Variants in DYNC2H1 observed in about 807,000 individuals in gnomAD.
DYNC2H1 encodes cytoplasmic dynein 2 heavy chain 1.
DYNC2H1 carries 410 observed loss-of-function variants against 570.0 expected under a neutral mutation model. That is an observed-to-expected ratio of 0.72 (90% CI 0.66 to 0.78). The LOEUF is 0.78. Among genes scored for constraint, DYNC2H1 ranks in the 30% least tolerant of loss-of-function variants. The pLI, the probability that DYNC2H1 is intolerant of heterozygous loss-of-function variation, is 0.00. For synonymous variants in DYNC2H1, 1,688 were observed against 1,677.6 expected (o/e 1.01, Z -0.15); for missense variants, 4,865 against 5,046.4 (o/e 0.96, Z 1.09).
chr11:103,233,393 AT>A (rs1864088067), intron 60 of DYNC2H1, among the ~76,000 whole-genome samples: 1 of 151,866 alleles, frequency 6.6e-6, no homozygotes, highest in Admixed American at 6.6e-5. Context: ...TTACTATTAC[AT>A]TTAATAAAAT....
At chr11:103,362,602 C>G (rs961863422) in intron 83 of DYNC2H1, among the ~76,000 whole-genome samples, 3 of 152,046 alleles carry the variant, frequency 2.0e-5, no homozygotes, top group Non-Finnish European at 2.9e-5. Context: ...CATTTCAAAC[C>G]AATTCAATTA....
chr11:103,124,250 C>A (rs1243524327), intron 11 of DYNC2H1, among the ~76,000 whole-genome samples: 1 of 151,604 alleles, frequency 6.6e-6, no homozygotes, highest in African/African-American at 2.4e-5. Context: ...AGTTTGAGAC[C>A]AGCCTGAGCA....
At position 103,170,009 on chromosome 11, in the gene DYNC2H1, T is replaced by C. The variant is rs1861503896; in HGVS notation, c.4969-99T>C. 28 of 1,164,150 alleles carry C rather than the reference T, an allele frequency of 2.4e-5. No individual in the cohort carries two copies. Among genetic ancestry groups the C allele is most frequent in the Non-Finnish European group, 3.0e-5 (26 of 869,594 alleles). The allele number at this position is 1,164,150 out of a possible 1,614,324, so 72.1% of individuals were successfully genotyped here. On this transcript the variant is annotated intron_variant, in intron 32 of 88. Transcript: ENST00000375735. This position sits in a 1 kb window ranked among gnomAD's most constrained non-coding sequence, Gnocchi z 4.8. The stretch of plus-strand genomic sequence containing the variant: ...TGTGTTAAAAACTTTAACCTGTTTG[T>C]TGCATTTTTATCTTTTTAACTACAA...
At chr11:103,339,304 AC>A (rs1939319936) in intron 82 of DYNC2H1, among the ~76,000 whole-genome samples, 2 of 152,080 alleles carry the variant, frequency 1.3e-5, no homozygotes, top group African/African-American at 2.4e-5. Context: ...TGCAGCTTCC[AC>A]CGGGGGTCAC....
At chr11:103,423,495 A>T (rs1943562575) in intron 84 of DYNC2H1, among the ~76,000 whole-genome samples, 1 of 151,618 alleles carries the variant, frequency 6.6e-6, no homozygotes, top group Admixed American at 6.6e-5. Flanking sequence ...AATCATAAAC[A>T]TTAATAAAAC....
At chr11:103,336,716 G>A (rs1487627292) in intron 82 of DYNC2H1, among the ~76,000 whole-genome samples, 1 of 152,062 alleles carries the variant, frequency 6.6e-6, no homozygotes, top group Non-Finnish European at 1.5e-5. Flanking sequence ...CTGTTGATGG[G>A]CACTTAGGTC....
chr11:103,203,778 T>G lies in DYNC2H1; in HGVS notation c.8311+2T>G. The G allele has an allele frequency of 6.4e-7, 1 of 1,571,468 alleles. No individual in the cohort carries two copies. The highest frequency in any genetic ancestry group is 8.7e-7 in the Non-Finnish European group (1 of 1,149,354). Reference sequence around the variant, plus strand: ...CAGTCTTCAATTACTTCACATATAGTAAGTGACATAGAATTCATTAATCAA... The same window carrying G: ...CAGTCTTCAATTACTTCACATATAGGAAGTGACATAGAATTCATTAATCAA... On this transcript the variant is annotated splice_donor_variant, in intron 51 of 88. Coordinates refer to ENST00000375735, the MANE Select transcript of DYNC2H1 (RefSeq NM_001377.3). LOFTEE classifies it high-confidence loss of function. The surrounding 1 kb of genome is among the most constrained non-coding windows in gnomAD (Gnocchi z 4.7).
chr11:103,415,942 C>T (rs1176390888), intron 84 of DYNC2H1, among the ~76,000 whole-genome samples: 1 of 152,150 alleles, frequency 6.6e-6, no homozygotes, highest in African/African-American at 2.4e-5. Context: ...AAATGTGGCA[C>T]ATATACACCA....
At chr11:103,164,302 C>A (rs1035420414) in intron 30 of DYNC2H1, among the ~76,000 whole-genome samples, 4 of 152,154 alleles carry the variant, frequency 2.6e-5, no homozygotes, top group African/African-American at 9.7e-5. Context: ...CTGCAACTTA[C>A]CTCCAGGCCC....
chr11:103,429,702 TTTA>T (rs753726115), intron 84 of DYNC2H1, among the ~76,000 whole-genome samples: 1 of 152,220 alleles, frequency 6.6e-6, no homozygotes, highest in Non-Finnish European at 1.5e-5. Flanking sequence ...TGAAATAGGT[TTTA>T]GTTATTTCAA....
chr11:103,149,153 G>A (rs1461478599), intron 20 of DYNC2H1, among the ~76,000 whole-genome samples: 1 of 152,164 alleles, frequency 6.6e-6, no homozygotes. Flanking sequence ...TCTATTTGCA[G>A]TCTATTTTAT....
intron 44 of DYNC2H1, 48 bp downstream of exon 44, chr11:103,188,696 T>C: frequency 7.5e-7 from 1 of 1,324,806 alleles, no homozygotes; most frequent in Non-Finnish European, 9.9e-7. Context: ...AGATATCATA[T>C]ATAAATGAAT....
At chr11:103,112,566 T>C (rs899733688) in intron 1 of DYNC2H1, among the ~76,000 whole-genome samples, 3 of 152,198 alleles carry the variant, frequency 2.0e-5, no homozygotes, top group African/African-American at 7.2e-5. Flanking sequence ...CTAATAAAAC[T>C]TTATGGACAC....
rs189365147 is a variant in DYNC2H1, at chr11:103,370,936, C to T, written c.12156+12577C>T. Among the ~76,000 whole-genome samples the T allele has an allele frequency of 3.5e-3, 533 of 152,136 alleles. 7 individuals are homozygous for T. Among genetic ancestry groups the T allele is most frequent in the African/African-American group, 0.012 (516 of 41,510 alleles). On this transcript the variant is annotated intron_variant, in intron 83 of 88. Coordinates refer to ENST00000375735, the MANE Select transcript of DYNC2H1 (RefSeq NM_001377.3). Reference sequence around the variant, plus strand: ...AAAGAACACCTGCAAGCATTAACACCATCCAGGAAAACATGACCTCACAAA... The same window carrying T: ...AAAGAACACCTGCAAGCATTAACACTATCCAGGAAAACATGACCTCACAAA...
At chr11:103,463,131 T>A (rs1945077666) in intron 87 of DYNC2H1, among the ~76,000 whole-genome samples, 1 of 152,192 alleles carries the variant, frequency 6.6e-6, no homozygotes, top group Non-Finnish European at 1.5e-5. Context: ...CCAGGGAGAT[T>A]GTGATTCATC....
At chr11:103,375,299 T>C (rs759613953) in intron 83 of DYNC2H1, among the ~76,000 whole-genome samples, 2 of 152,182 alleles carry the variant, frequency 1.3e-5, no homozygotes, top group Non-Finnish European at 2.9e-5. Flanking sequence ...GTTGGAGCCC[T>C]CTTGGAGAAC....
chr11:103,231,389 G>T, intron 60 of DYNC2H1, 43 bp downstream of exon 60: 1 of 1,265,440 alleles, frequency 7.9e-7, no homozygotes, highest in Non-Finnish European at 1.1e-6. Context: ...TGCTGAGAGT[G>T]TTTACATTTG....
rs1379420156 is a variant in DYNC2H1 at position 103,280,227 on chromosome 11, G to A, written c.10696-121G>A. ...AATCTGAATAGTAATTTCTTACATC[G>A]ATAAAAAAGTAGGTCATATGAAGAC... On this transcript the variant is annotated intron_variant, in intron 70 of 88. Coordinates refer to ENST00000375735, the MANE Select transcript of DYNC2H1 (RefSeq NM_001377.3). The surrounding 1 kb of genome is among the most constrained non-coding windows in gnomAD (Gnocchi z 4.7). 2.0e-5 allele frequency: 18 copies of A among 907,862 alleles called. No homozygotes were observed. Among genetic ancestry groups the A allele is most frequent in the South Asian group, 9.7e-5 (6 of 61,976 alleles). The allele number at this position is 907,862 out of a possible 1,614,324, so 56.2% of individuals were successfully genotyped here.
At chr11:103,195,546 A>G (rs1476148759) in intron 47 of DYNC2H1, among the ~76,000 whole-genome samples, 1 of 152,330 alleles carries the variant, frequency 6.6e-6, no homozygotes, top group East Asian at 1.9e-4. Context: ...ATTAGCTACT[A>G]TATGAGTTGT....
Sources: gnomAD v4.1 joint callset for allele counts (sites outside exome capture counted in the v4.1 genomes callset) on GRCh38, gnomAD v4.1.1 for gene constraint, Gnocchi (gnomAD v3.1) non-coding constraint, MANE v1.5 for transcripts, NCBI Gene and HGNC (gene_info 2026-07-23, HGNC 2026-07-21) for gene names.